SNRPN: variants seen among roughly 807,000 people sequenced by gnomAD.
SNRPN encodes small nuclear ribonucleoprotein polypeptide N.
SNRPN carries 7 observed loss-of-function variants against 25.2 expected under a neutral mutation model. That is an observed-to-expected ratio of 0.28 (90% CI 0.16 to 0.52). SNRPN has a LOEUF of 0.52. Ranked by LOEUF, SNRPN falls within the 20% of genes least tolerant of loss-of-function variation. The pLI is 0.96. For missense variants in SNRPN, 196 were observed against 322.5 expected, an observed-to-expected ratio of 0.61 and a Z score of 3.00; for synonymous variants, 124 against 110.6, an observed-to-expected ratio of 1.12 and a Z score of -0.76.
At chr15:24,885,142 T>C (rs760090631) in intron 1 of SNRPN, among the ~76,000 whole-genome samples, 2 of 152,194 alleles carry the variant, frequency 1.3e-5, no homozygotes, top group Non-Finnish European at 2.9e-5. Context: ...GTAAGTAACT[T>C]GAAAGCATAT....
chr15:24,905,928 T>C (rs376392895), intron 2 of SNRPN, among the ~76,000 whole-genome samples: 3 of 152,254 alleles, frequency 2.0e-5, no homozygotes, highest in Non-Finnish European at 4.4e-5. Context: ...CAAAGGTGAT[T>C]TATTTGAAAC....
chr15:24,825,705 G>C (rs2050034154), intron 1 of SNRPN, among the ~76,000 whole-genome samples: 1 of 151,980 alleles, frequency 6.6e-6, no homozygotes, highest in East Asian at 1.9e-4. Context: ...GCCTACATTT[G>C]TACAAAATCA....
At chr15:24,962,006 A>T in intron 1 of SNRPN, 108 bp from the exon 2 acceptor site, 2 of 984,494 alleles carry the variant, frequency 2.0e-6, no homozygotes, top group Non-Finnish European at 3.2e-6. Context: ...TTTTAATTAG[A>T]TTTAAAAATC....
chr15:24,943,700 C>A (rs2061701041), intron 3 of SNRPN, among the ~76,000 whole-genome samples: 1 of 152,122 alleles, frequency 6.6e-6, no homozygotes, highest in African/African-American at 2.4e-5. Context: ...CAGAGGATAG[C>A]AGGGCTTTGC....
intron 2 of SNRPN, among the ~76,000 whole-genome samples, chr15:24,844,050 T>A (rs2051963097): frequency 6.6e-6 from 1 of 151,968 alleles, no homozygotes; most frequent in Admixed American, 6.6e-5. Flanking sequence ...TTTTGCATCC[T>A]AACAGAAAAT....
At chr15:24,973,398 T>G (rs894876755) in intron 3 of SNRPN, among the ~76,000 whole-genome samples, 1 of 152,052 alleles carries the variant, frequency 6.6e-6, no homozygotes, top group Non-Finnish European at 1.5e-5. Context: ...ACTTATTTAT[T>G]TATTTTGAGA....
At chr15:24,825,082 C>T (rs372520780) in intron 1 of SNRPN, among the ~76,000 whole-genome samples, 2 of 151,896 alleles carry the variant, frequency 1.3e-5, no homozygotes, top group South Asian at 4.2e-4. Context: ...AAGCAATGGA[C>T]CAAGAGCATT....
chr15:24,845,599 A>C (rs1377479125), intron 2 of SNRPN, among the ~76,000 whole-genome samples: 3 of 151,570 alleles, frequency 2.0e-5, no homozygotes, highest in African/African-American at 7.3e-5. Context: ...ACTCCGTCTC[A>C]AAAAAAAAGA....
At chr15:24,854,655 A>G (rs765762628), upstream of SNRPN, among the ~76,000 whole-genome samples, 4 of 152,198 alleles carry the variant, frequency 2.6e-5, no homozygotes, top group Non-Finnish European at 5.9e-5. Flanking sequence ...CATTTGTTGT[A>G]CTTTTGTTAT....
chr15:24,877,350 A>G (rs1283770743), intron 1 of SNRPN, among the ~76,000 whole-genome samples: 1 of 152,184 alleles, frequency 6.6e-6, no homozygotes, highest in African/African-American at 2.4e-5. Context: ...AGCTTTAGGG[A>G]ATGAAGAACC....
At chr15:24,973,308 C>G (rs1435757878) in intron 3 of SNRPN, among the ~76,000 whole-genome samples, 4 of 152,148 alleles carry the variant, frequency 2.6e-5, no homozygotes, top group African/African-American at 9.7e-5. Flanking sequence ...TCTGTGTATC[C>G]TCTAGGTTTG....
intron 3 of SNRPN, among the ~76,000 whole-genome samples, chr15:24,923,881 ATGTGTGTGTGTGTGTG>A (rs58343685): frequency 9.4e-6 from 1 of 106,122 alleles, no homozygotes; most frequent in African/African-American, 3.8e-5. Flanking sequence ...AGTGCCGTGT[ATGTGTGTGTGTGTGTG>A]TGTGTGTGTG....
At chr15:24,919,155 C>T (rs1364782478) in intron 2 of SNRPN, among the ~76,000 whole-genome samples, 2 of 151,014 alleles carry the variant, frequency 1.3e-5, no homozygotes, top group East Asian at 1.9e-4. Context: ...AATTGCTGGG[C>T]GTGGTGGCTC....
At chr15:24,894,704 A>G (rs1406147134) in intron 2 of SNRPN, among the ~76,000 whole-genome samples, 1 of 152,190 alleles carries the variant, frequency 6.6e-6, no homozygotes, top group Non-Finnish European at 1.5e-5. Context: ...AGGAGTTTTT[A>G]CTTTCTTCTC....
chr15:24,834,751 C>CTCTCTCTCTCTCTCTATATATATATA, intron 2 of SNRPN, among the ~76,000 whole-genome samples: 8 of 60,952 alleles, frequency 1.3e-4, no homozygotes, highest in Admixed American at 2.1e-4. Flanking sequence ...CTCTCTCTCT[C>CTCTCTCTCTCTCTCTATATATATATA]TATATATATA....
chr15:24,848,143 G>A (rs891866962), intron 2 of SNRPN, among the ~76,000 whole-genome samples: 12 of 151,312 alleles, frequency 7.9e-5, no homozygotes, highest in Non-Finnish European at 1.5e-5. Flanking sequence ...GCGGCCCGCA[G>A]CAAATGCGCC....
chr15:24,899,504 C>T (rs2058310558), intron 2 of SNRPN, among the ~76,000 whole-genome samples: 1 of 152,150 alleles, frequency 6.6e-6, no homozygotes, highest in Admixed American at 6.5e-5. Flanking sequence ...AGCCGTTTCC[C>T]ATAGCATGCA....
intron 3 of SNRPN, among the ~76,000 whole-genome samples, chr15:24,935,278 A>G (rs542002122): frequency 5.9e-5 from 9 of 152,282 alleles, no homozygotes; most frequent in African/African-American, 2.2e-4. Flanking sequence ...TCTCCAAAAA[A>G]AAAAAAGTTC....
intron 3 of SNRPN, among the ~76,000 whole-genome samples, chr15:24,972,968 A>G (rs2076614451): frequency 6.6e-6 from 1 of 151,972 alleles, no homozygotes; most frequent in African/African-American, 2.4e-5. Context: ...GCTCACTGCA[A>G]ACTCTGCCTC....
Sources: gnomAD v4.1 joint callset for allele counts (sites outside exome capture counted in the v4.1 genomes callset) on GRCh38, gnomAD v4.1.1 for gene constraint, MANE v1.5 for transcripts, NCBI Gene and HGNC (gene_info 2026-07-23, HGNC 2026-07-21) for gene names.